Variants in OPRM1 observed in about 807,000 individuals in gnomAD.
OPRM1 encodes mu-type opioid receptor.
Under a neutral mutation model 31.8 loss-of-function variants are expected in OPRM1, and 27 were observed. That is an observed-to-expected ratio of 0.85 (90% CI 0.63 to 1.17). The LOEUF (loss-of-function observed/expected upper bound fraction) is 1.17. Ranked by LOEUF, OPRM1 falls within the 50% of genes most tolerant of loss-of-function variation. The probability of loss-of-function intolerance (pLI) is 0.00; values close to 1 mark genes in which losing one functional copy is unlikely to be tolerated. For synonymous variants in OPRM1, 196 were observed against 189.9 expected, an observed-to-expected ratio of 1.03 and a Z score of -0.26; for missense variants, 536 against 511.1, an observed-to-expected ratio of 1.05 and a Z score of -0.47.
At chr6:154,052,221 A>G (rs1782356829) in intron 1 of OPRM1, among the ~76,000 whole-genome samples, 1 of 152,162 alleles carries the variant, frequency 6.6e-6, no homozygotes, top group Non-Finnish European at 1.5e-5. Context: ...ACAAATAGCT[A>G]ATGCATGAGG....
intron 1 of OPRM1, among the ~76,000 whole-genome samples, chr6:154,018,107 A>AT (rs1459758546): frequency 1.3e-5 from 2 of 152,118 alleles, no homozygotes; most frequent in East Asian, 1.9e-4. Flanking sequence ...AAACAAAGAG[A>AT]TTTTTTTCTC....
rs1657978125 is a variant in OPRM1 at position 154,101,311 on chromosome 6, C to T, written c.1164+9839C>T. 2.0e-5 allele frequency among the ~76,000 whole-genome samples: 3 copies of T among 152,018 alleles called. No individual in the cohort carries two copies. In the South Asian group the frequency reaches 6.2e-4, roughly 31 times the overall value. On this transcript the variant is annotated intron_variant, in intron 3 of 3. Coordinates refer to ENST00000330432, the MANE Select transcript of OPRM1 (RefSeq NM_000914.5). ...CTAAGGTGTTCTTATATTCAAAATT[C>T]CTGAAGTATCATTAAATATGGGCTC...
In OPRM1 at chr6:154,091,183, T is replaced by C; in HGVS notation, c.875T>C (p.Ile292Thr). The C allele has an allele frequency of 6.2e-7, 1 of 1,614,152 alleles. No homozygotes were observed. The change falls in exon 3 of 4, where the codon ATC becomes ACC. Residue 292 changes from isoleucine to threonine, a missense_variant. Transcript: ENST00000330432. The stretch of plus-strand genomic sequence containing the variant: ...GTGCTGGTGGTGGTGGCTGTGTTCA[T>C]CGTCTGCTGGACTCCCATTCACATT... ...RMVLVVVAVF[I>T]VCWTPIHIYV...
chr6:154,152,954 G>A (rs996996176), intron 3 of OPRM1, among the ~76,000 whole-genome samples: 57 of 150,778 alleles, frequency 3.8e-4, no homozygotes, highest in African/African-American at 1.2e-3. Context: ...GACCAGTCTG[G>A]TCTCAAACTC....
At chr6:154,071,591 G>A (rs1001115232) in intron 1 of OPRM1, among the ~76,000 whole-genome samples, 1 of 152,182 alleles carries the variant, frequency 6.6e-6, no homozygotes, top group Non-Finnish European at 1.5e-5. Flanking sequence ...GCTACAGCAA[G>A]GAATACAAAA....
intron 3 of OPRM1, among the ~76,000 whole-genome samples, chr6:154,180,757 A>G (rs1465373357): frequency 6.6e-6 from 1 of 152,244 alleles, no homozygotes; most frequent in African/African-American, 2.4e-5. Context: ...TGGATTCAGA[A>G]GACAGGAGGG....
At chr6:154,187,095 T>C (rs1801439221) in intron 3 of OPRM1, among the ~76,000 whole-genome samples, 2 of 152,198 alleles carry the variant, frequency 1.3e-5, no homozygotes, top group Non-Finnish European at 2.9e-5. Flanking sequence ...TAGCACTGTC[T>C]GACTGCACTT....
In OPRM1 at chr6:154,225,683, C is replaced by G. The variant is rs566231380; in HGVS notation, c.1165-21010C>G. Among the ~76,000 whole-genome samples, 29 of 152,242 alleles carry G rather than the reference C, an allele frequency of 1.9e-4. No homozygotes were observed. The South Asian group carries it at 5.8e-3, about 31-fold the overall frequency. On this transcript the variant is annotated intron_variant, in intron 3 of 3. Coordinates refer to the OPRM1 transcript ENST00000337049. ...AATCTAGATAGATGAGGGGGTTGCA[C>G]AACATTGTGAATGTATTAAATGCCA...
intron 3 of OPRM1, among the ~76,000 whole-genome samples, chr6:154,099,519 G>A (rs1013662866): frequency 6.6e-6 from 1 of 150,708 alleles, no homozygotes; most frequent in Non-Finnish European, 1.5e-5. Flanking sequence ...AGGAAAGAAT[G>A]AGAGAAAGAG....
intron 3 of OPRM1, among the ~76,000 whole-genome samples, chr6:154,102,366 T>C (rs1794958555): frequency 6.6e-6 from 1 of 152,212 alleles, no homozygotes; most frequent in Admixed American, 6.5e-5. Flanking sequence ...GTAAGCATGA[T>C]GTATGATTAT....
chr6:154,101,866 A>C (rs541076055), intron 3 of OPRM1, among the ~76,000 whole-genome samples: 4 of 152,208 alleles, frequency 2.6e-5, no homozygotes, highest in Non-Finnish European at 4.4e-5. Flanking sequence ...TTAATTTTAA[A>C]ATTTTCATCA....
chr6:154,152,386 A>AG (rs1562510897), intron 3 of OPRM1, among the ~76,000 whole-genome samples: 2 of 84,822 alleles, frequency 2.4e-5, no homozygotes, highest in Non-Finnish European at 5.3e-5. Context: ...GAAAGAAAGA[A>AG]AGAAAGAGAA....
intron 1 of OPRM1, among the ~76,000 whole-genome samples, chr6:154,040,535 C>T (rs1779844739): frequency 6.6e-6 from 1 of 152,106 alleles, no homozygotes; most frequent in African/African-American, 2.4e-5. Context: ...ACCAGTTTGC[C>T]GTTAGTAGCT....
chr6:154,048,134 T>G (rs1460374304), intron 1 of OPRM1, among the ~76,000 whole-genome samples: 1 of 152,228 alleles, frequency 6.6e-6, no homozygotes, highest in Non-Finnish European at 1.5e-5. Context: ...CAGTTTACAG[T>G]AGGTGTCCTA....
chr6:154,199,576 G>T, intron 3 of OPRM1: 1 of 1,368,210 alleles, frequency 7.3e-7, no homozygotes, highest in Non-Finnish European at 9.8e-7. Flanking sequence ...TCATTCATGA[G>T]TTTAACCATT....
chr6:154,144,160 G>A (rs1798297583), intron 3 of OPRM1, among the ~76,000 whole-genome samples: 1 of 152,078 alleles, frequency 6.6e-6, no homozygotes, highest in Non-Finnish European at 1.5e-5. Flanking sequence ...AAGTATTAAG[G>A]AAATAGAATT....
chr6:154,181,216 G>A (rs140870033), intron 3 of OPRM1, among the ~76,000 whole-genome samples: 49 of 152,180 alleles, frequency 3.2e-4, no homozygotes, highest in African/African-American at 1.1e-3. Flanking sequence ...TTTTAGTAGT[G>A]AGGACACTAC....
chr6:154,202,868 A>T (rs1286590951), intron 3 of OPRM1, among the ~76,000 whole-genome samples: 8 of 152,220 alleles, frequency 5.3e-5, no homozygotes, highest in Non-Finnish European at 1.5e-5. Flanking sequence ...AGGGAAAAAA[A>T]GAAATAGAAG....
At chr6:154,193,591 C>T (rs1409838994) in intron 3 of OPRM1, among the ~76,000 whole-genome samples, 1 of 152,136 alleles carries the variant, frequency 6.6e-6, no homozygotes, top group Non-Finnish European at 1.5e-5. Flanking sequence ...ACTTCAATAA[C>T]ATCAAAAAAG....
Sources: allele counts gnomAD v4.1 joint callset (sites outside exome capture counted in the v4.1 genomes callset), GRCh38; gene constraint gnomAD v4.1.1; transcripts MANE v1.5; gene names NCBI Gene and HGNC (gene_info 2026-07-23, HGNC 2026-07-21).